The following HCN4 variants were observed in gnomAD, a reference collection of about 807,000 sequenced individuals.
The protein encoded by HCN4 is potassium/sodium hyperpolarization-activated cyclic nucleotide-gated channel 4.
Under a neutral mutation model 76.9 loss-of-function variants are expected in HCN4, and 29 were observed. That is an observed-to-expected ratio of 0.38 (90% CI 0.28 to 0.51). The LOEUF (loss-of-function observed/expected upper bound fraction) is 0.51, where lower values mean the gene tolerates loss of function less well. HCN4 is among the 20% of genes least tolerant of loss of function. The pLI is 0.90. For synonymous variants in HCN4, 772 were observed against 762.5 expected, an observed-to-expected ratio of 1.01 and a Z score of -0.21; for missense variants, 1,416 against 1,715.2, an observed-to-expected ratio of 0.83 and a Z score of 3.08.
chr15:73,320,013 T>C lies in HCN4; in HGVS notation c.*2468A>G, dbSNP rs1051959953. The C allele has an allele frequency of 6.6e-6, 1 of 152,104 alleles. No homozygotes were observed. The highest frequency in any genetic ancestry group is 1.5e-5 in the Non-Finnish European group (1 of 68,050). The allele number at this position is 152,104 out of a possible 1,614,324, so 9.4% of individuals were successfully genotyped here. On this transcript the variant is annotated 3_prime_UTR_variant, in exon 8 of 8. Transcript: ENST00000261917. ...TCCCAGTCTCTGCAGAGTGGCCAGGTTGGGTCAGAGCTATTATAAAATGCA... is the reference window on the plus strand; with the variant it reads ...TCCCAGTCTCTGCAGAGTGGCCAGGCTGGGTCAGAGCTATTATAAAATGCA...
intron 2 of HCN4, among the ~76,000 whole-genome samples, chr15:73,333,353 C>T (rs1407658089): frequency 6.6e-6 from 1 of 152,212 alleles, no homozygotes; most frequent in Non-Finnish European, 1.5e-5. Flanking sequence ...CTCATCCCTC[C>T]ATACTATTCC....
intron 2 of HCN4, among the ~76,000 whole-genome samples, chr15:73,333,079 C>T (rs1306155802): frequency 6.6e-6 from 1 of 152,210 alleles, no homozygotes; most frequent in Non-Finnish European, 1.5e-5. Context: ...TCCTTTACAG[C>T]ACCCTTGACC....
chr15:73,334,623 G>A (rs961986861), intron 2 of HCN4, among the ~76,000 whole-genome samples: 5 of 151,860 alleles, frequency 3.3e-5, no homozygotes, highest in African/African-American at 1.2e-4. Context: ...GAGGGCGAGT[G>A]ACACAGCACC....
Position 73,343,245 on chromosome 15 carries a change from A to T in HCN4, c.1209+140T>A. ...GCACATGATAAGAGGTCAAGAACTT[A>T]CTAGTATTTGTCCTCTTGGAGCAGG... On this transcript the variant is annotated intron_variant, in intron 2 of 7. Transcript: ENST00000261917. The surrounding 1 kb of genome is among the most constrained non-coding windows in gnomAD (Gnocchi z 5.7). 1.3e-6 allele frequency: 1 copy of T among 760,818 alleles called. No homozygotes were observed. Among genetic ancestry groups the T allele is most frequent in the Non-Finnish European group, 2.2e-6 (1 of 444,482 alleles). 47.1% of individuals were successfully genotyped at this position (760,818 alleles called of 1,614,324 possible). A position where few individuals can be genotyped will look rare whatever the true frequency, so the allele number is the denominator to read the frequency against.
chr15:73,335,359 T>C (rs2042957497), intron 2 of HCN4: 1 of 152,262 alleles, frequency 6.6e-6, no homozygotes, highest in Non-Finnish European at 1.5e-5. Context: ...GCCCCAGGGT[T>C]GGAGAGTCCA....
At position 73,361,607 on chromosome 15, in the gene HCN4, G is replaced by A. The variant is rs962128230; in HGVS notation, c.785+5879C>T. On this transcript the variant is annotated intron_variant, in intron 1 of 7. Transcript: ENST00000261917. The stretch of plus-strand genomic sequence containing the variant: ...TCGGTTCTAAGACAAGCCCCCAGGG[G>A]ACTGGGGCTGGACCTTCTGCTCTGA... Among the ~76,000 whole-genome samples the A allele has an allele frequency of 7.9e-5, 12 of 152,242 alleles. 1 individual carries two copies. The highest frequency in any genetic ancestry group is 2.9e-4 in the African/African-American group (12 of 41,464).
At chr15:73,324,536 G>A (rs575379150) in intron 6 of HCN4, among the ~76,000 whole-genome samples, 5 of 152,336 alleles carry the variant, frequency 3.3e-5, no homozygotes, top group Non-Finnish European at 5.9e-5. Flanking sequence ...TGGAGGTGGG[G>A]CCTAGGGAGG....
rs1400904747 is a variant in HCN4, at chr15:73,368,152, C to T, written c.119G>A (p.Arg40His). 2.6e-6 allele frequency: 4 copies of T among 1,522,162 alleles called. No homozygotes were observed. Among genetic ancestry groups the T allele is most frequent in the East Asian group, 2.6e-5 (1 of 37,870 alleles). The allele number at this position is 1,522,162 out of a possible 1,614,324, so 94.3% of individuals were successfully genotyped here. A position where few individuals can be genotyped will look rare whatever the true frequency, so the allele number is the denominator to read the frequency against. The change falls in exon 1 of 8, where the codon CGC (arginine) becomes CAC (histidine). Residue 40 changes from arginine to histidine, a missense_variant. Physicochemically the swap from Arg to His is conservative, Grantham distance 29. This residue lies in a region of HCN4 where 355 missense variants were observed against 347.8 expected (regional missense o/e 1.02). Transcript: ENST00000261917. The surrounding 1 kb of genome is among the most constrained non-coding windows in gnomAD (Gnocchi z 6.9). ...EDAEEEGAGG[R>H]QDPSRRSIRL... is the part of the protein sequence containing the mutation. ...GATGCTCCTGCGGCTGGGGTCTTGG[C>T]GGCCCCCGGCCCCCTCCTCCTCGGC...
rs747045796 is a variant in HCN4, at chr15:73,324,104, G to C, written c.2128C>G (p.Arg710Gly). 1 of 1,613,134 alleles carries C rather than the reference G, an allele frequency of 6.2e-7. No homozygotes were observed. The highest frequency in any genetic ancestry group is 1.3e-5 in the African/African-American group (1 of 74,930). Residue 710 changes from arginine (R) to glycine (G), a missense_variant, in exon 7 of 8, where the codon CGC (arginine) becomes GGC (glycine). Coordinates refer to ENST00000261917, the MANE Select transcript of HCN4 (RefSeq NM_005477.3). ...RRAFETVALD[R>G]LDRIGKKNSI... ...TCCCCCTCACCAATGCGGTCCAGGC[G>C]GTCCAGCGCCACGGTCTCGAAGGCC...
At position 73,320,073 on chromosome 15, in the gene HCN4, AG is replaced by A. The variant is rs1384722670; in HGVS notation, c.*2407del. 2.0e-5 allele frequency: 3 copies of A among 152,334 alleles called. No homozygotes were observed. Among genetic ancestry groups the A allele is most frequent in the African/African-American group, 4.8e-5 (2 of 41,408 alleles). 9.4% of individuals were successfully genotyped at this position (152,334 alleles called of 1,614,324 possible). Reference sequence around the variant, plus strand: ...AAGTAGAGAAGAGGGTGGTTAGGCCAGGCTCTGATGGCAAGGGGGCTCCTCA... The same window carrying A: ...AAGTAGAGAAGAGGGTGGTTAGGCCAGCTCTGATGGCAAGGGGGCTCCTCA... On this transcript the variant is annotated 3_prime_UTR_variant, in exon 8 of 8. Coordinates refer to ENST00000261917, the MANE Select transcript of HCN4 (RefSeq NM_005477.3).
intron 1 of HCN4, among the ~76,000 whole-genome samples, chr15:73,362,880 G>T (rs2043111777): frequency 6.6e-6 from 1 of 152,168 alleles, no homozygotes; most frequent in South Asian, 2.1e-4. Context: ...TGGAGCCGAG[G>T]CCTCTCTAGC....
At chr15:73,356,846 TC>T (rs1225233332) in intron 1 of HCN4, among the ~76,000 whole-genome samples, 2 of 152,118 alleles carry the variant, frequency 1.3e-5, no homozygotes, top group Non-Finnish European at 2.9e-5. Flanking sequence ...GTATAAAAGC[TC>T]CCTGGAGAGG....
chr15:73,350,054 G>A (rs1190920138), intron 1 of HCN4, among the ~76,000 whole-genome samples: 1 of 152,186 alleles, frequency 6.6e-6, no homozygotes, highest in Admixed American at 6.5e-5. Flanking sequence ...CTCCGGTGCT[G>A]CATCTCTGCA....
Position 73,322,439 on chromosome 15 carries a change from A to C in HCN4, c.*42T>G. The C allele has an allele frequency of 6.9e-7, 1 of 1,441,370 alleles. No individual in the cohort carries two copies. The highest frequency in any genetic ancestry group is 9.6e-7 in the Non-Finnish European group (1 of 1,045,528). The allele number at this position is 1,441,370 out of a possible 1,614,324, so 89.3% of individuals were successfully genotyped here. ...ACAGTTAAACCTGAAGGAAGAAGGA[A>C]GGGAGAGAAAAGAAGAAAGAAGAGG... On this transcript the variant is annotated 3_prime_UTR_variant, in exon 8 of 8. Transcript: ENST00000261917.
chr15:73,367,370 T>G lies in HCN4; in HGVS notation c.785+116A>C. 1 of 1,508,964 alleles carries G rather than the reference T, an allele frequency of 6.6e-7. No individual in the cohort carries two copies. Among genetic ancestry groups the G allele is most frequent in the Admixed American group, 1.9e-5 (1 of 52,604 alleles). The allele number at this position is 1,508,964 out of a possible 1,614,324, so 93.5% of individuals were successfully genotyped here. On this transcript the variant is annotated intron_variant, in intron 1 of 7. Coordinates refer to ENST00000261917, the MANE Select transcript of HCN4 (RefSeq NM_005477.3). The surrounding 1 kb of genome is among the most constrained non-coding windows in gnomAD (Gnocchi z 7.5). ...TCGGAGCCTAGAGGCGCCCTGCCTC[T>G]CTTGGAGCTCCCAGCGCAAGGCAGG...
chr15:73,323,017 T>C lies in HCN4; in HGVS notation c.3076A>G (p.Ser1026Gly). The change falls in exon 8 of 8, where the codon AGC (serine) becomes GGC (glycine). Residue 1026 changes from serine (S) to glycine (G), a missense_variant. Ser to Gly is a moderately conservative substitution (Grantham distance 56, BLOSUM62 0). This residue lies in a region of HCN4 where 633 missense variants were observed against 579.8 expected (regional missense o/e 1.09). Coordinates refer to ENST00000261917, the MANE Select transcript of HCN4 (RefSeq NM_005477.3). ...PVGFTPRGGL[S>G]PPGHSPGPPR... Reference sequence around the variant, plus strand: ...GGGCCTGGGCTGTGGCCAGGGGGGCTGAGACCTCCTCGGGGAGTAAAGCCT... The same window carrying C: ...GGGCCTGGGCTGTGGCCAGGGGGGCCGAGACCTCCTCGGGGAGTAAAGCCT... 1 of 1,476,208 alleles carries C rather than the reference T, an allele frequency of 6.8e-7. No homozygotes were observed. The allele number at this position is 1,476,208 out of a possible 1,614,324, so 91.4% of individuals were successfully genotyped here.
chr15:73,324,243 C>T lies in HCN4; in HGVS notation c.1989G>A (p.Leu663=), dbSNP rs1381140626. ...TGGCTGTGCGCCGGCCCCGGGTCAG[C>T]AGGCAGATCTCTGCCAGAGCATCAG... ...ADGSYFGEIC[L]LTRGRRTASV... is the part of the protein sequence containing the mutation. The change falls in exon 7 of 8, where the codon CTG becomes CTA. Residue 663 remains leucine (L), a synonymous_variant. Coordinates refer to ENST00000261917, the MANE Select transcript of HCN4 (RefSeq NM_005477.3). 1 of 1,613,792 alleles carries T rather than the reference C, an allele frequency of 6.2e-7. No individual in the cohort carries two copies. Among genetic ancestry groups the T allele is most frequent in the Non-Finnish European group, 8.5e-7 (1 of 1,179,910 alleles).
chr15:73,326,767 CTTTTT>C (rs1407808444), intron 4 of HCN4, among the ~76,000 whole-genome samples: 1 of 150,882 alleles, frequency 6.6e-6, no homozygotes, highest in Non-Finnish European at 1.5e-5. Flanking sequence ...TTCTTTTTTT[CTTTTT>C]ATTTATTTAT....
chr15:73,342,817 G>C (rs2043012536), intron 2 of HCN4, among the ~76,000 whole-genome samples: 1 of 152,162 alleles, frequency 6.6e-6, no homozygotes, highest in Admixed American at 6.5e-5. Context: ...TAATGCTATA[G>C]ATCTAGCAAC....
Sources: allele counts gnomAD v4.1 joint callset (sites outside exome capture counted in the v4.1 genomes callset), GRCh38; gene constraint gnomAD v4.1.1; regional missense constraint gnomAD v4.1.1; non-coding constraint Gnocchi (gnomAD v3.1); transcripts MANE v1.5; gene names NCBI Gene and HGNC (gene_info 2026-07-23, HGNC 2026-07-21).